The following SMARCA2 variants were observed in gnomAD, a reference collection of about 807,000 sequenced individuals.
The protein encoded by SMARCA2 is SWI/SNF-related matrix-associated actin-dependent regulator of chromatin subfamily A member 2.
In SMARCA2, 61 loss-of-function variants were observed where a neutral mutation model predicts 199.8. That is an observed-to-expected ratio of 0.31 (90% CI 0.25 to 0.38). SMARCA2 has a LOEUF of 0.38. Ranked by LOEUF, SMARCA2 falls within the 10% of genes least tolerant of loss-of-function variation. SMARCA2 has a pLI of 1.00. For missense variants in SMARCA2, 1,344 were observed against 2,012.2 expected (o/e 0.67, Z 6.35); for synonymous variants, 935 against 732.0 (o/e 1.28, Z -4.48).
chr9:2,022,503 A>G (rs543902939), intron 1 of SMARCA2, among the ~76,000 whole-genome samples: 46 of 152,290 alleles, frequency 3.0e-4, no homozygotes, highest in African/African-American at 1.0e-3. Flanking sequence ...TCATTGTTGA[A>G]TTGTTGTTGC....
At position 2,073,216 on chromosome 9, in the gene SMARCA2, T is replaced by C; in HGVS notation, c.1751T>C (p.Ile584Thr). The C allele has an allele frequency of 2.5e-6, 4 of 1,614,110 alleles. No individual in the cohort carries two copies. Among genetic ancestry groups the C allele is most frequent in the Non-Finnish European group, 3.4e-6 (4 of 1,180,022 alleles). Residue 584 changes from isoleucine (I) to threonine (T), a missense_variant, in exon 11 of 34, where the codon ATA (isoleucine) becomes ACA (threonine). This residue lies in a region of SMARCA2 where 68 missense variants were observed against 70.4 expected (regional missense o/e 0.97). Coordinates refer to ENST00000349721, the MANE Select transcript of SMARCA2 (RefSeq NM_003070.5). ...ESALGPDGEP[I>T]DESSQMSDLP... ...ATGATTTTCCCTCCTTTGTAGCCCA[T>C]AGATGAGAGCAGCCAGATGAGTGAC...
At chr9:2,182,103 C>G (rs1827075151) in intron 30 of SMARCA2, 38 bp from the exon 31 acceptor site, 1 of 1,293,436 alleles carries the variant, frequency 7.7e-7, no homozygotes, top group Admixed American at 1.7e-5. Flanking sequence ...TTTTCCTCTC[C>G]CTCTTTTTTT....
intron 8 of SMARCA2, 105 bp downstream of exon 8, chr9:2,058,569 A>T (rs1820454016): frequency 2.1e-6 from 2 of 973,276 alleles, no homozygotes; most frequent in Admixed American, 5.2e-5. Context: ...AAAACTGCTT[A>T]TCAAAAATTT....
chr9:2,058,546 G>A (rs963596221), intron 8 of SMARCA2, 82 bp downstream of exon 8: 70 of 1,206,366 alleles, frequency 5.8e-5, no homozygotes, highest in Non-Finnish European at 7.1e-5. Context: ...GGTGGTAGTA[G>A]AAGGAAAAAA....
At chr9:2,190,512 A>G (rs1827801298) in intron 32 of SMARCA2, among the ~76,000 whole-genome samples, 1 of 152,266 alleles carries the variant, frequency 6.6e-6, no homozygotes, top group Admixed American at 6.5e-5. Context: ...GAGAATATGG[A>G]CATGTATAAA....
chr9:2,098,302 T>C (rs1001309751), intron 21 of SMARCA2, among the ~76,000 whole-genome samples: 8 of 152,226 alleles, frequency 5.3e-5, no homozygotes, highest in Non-Finnish European at 8.8e-5. Flanking sequence ...AAAAAATACA[T>C]AGAAACTTCT....
chr9:2,129,146 C>G (rs1823825254), intron 27 of SMARCA2, among the ~76,000 whole-genome samples: 1 of 152,174 alleles, frequency 6.6e-6, no homozygotes, highest in Non-Finnish European at 1.5e-5. Flanking sequence ...AGGCCAGGCA[C>G]TGTGGCTCAT....
chr9:2,137,311 TC>T (rs1824241668), intron 27 of SMARCA2, among the ~76,000 whole-genome samples: 2 of 152,304 alleles, frequency 1.3e-5, no homozygotes, highest in African/African-American at 4.8e-5. Context: ...TGATGACCAC[TC>T]CTGCATCAGG....
At chr9:2,032,187 A>G (rs1819100290) in intron 2 of SMARCA2, among the ~76,000 whole-genome samples, 1 of 152,204 alleles carries the variant, frequency 6.6e-6, no homozygotes, top group Non-Finnish European at 1.5e-5. Flanking sequence ...TGTTTTGAAA[A>G]TTGCTATTAC....
In SMARCA2 at chr9:2,181,060, G is replaced by T. The variant is rs905915723; in HGVS notation, c.4254-511G>T. ...GACCAAGAAAATAGTCAGCCAGTAG[G>T]TACGTACGAAGGCTTTTCACTTGAG... On this transcript the variant is annotated intron_variant, in intron 29 of 33. Coordinates refer to ENST00000349721, the MANE Select transcript of SMARCA2 (RefSeq NM_003070.5). Among the ~76,000 whole-genome samples the T allele has an allele frequency of 2.0e-5, 3 of 152,240 alleles. No homozygotes were observed. In the Middle Eastern group the frequency reaches 0.01, roughly 518 times the overall value.
intron 30 of SMARCA2, 55 bp downstream of exon 30, chr9:2,181,731 A>C (rs1344642048): frequency 4.2e-6 from 4 of 956,588 alleles, no homozygotes; most frequent in Non-Finnish European, 1.7e-6. Context: ...AGCAGTGTAA[A>C]GTCATTGAAA....
intron 6 of SMARCA2, 68 bp downstream of exon 6, chr9:2,054,791 G>A (rs1820277764): frequency 2.0e-6 from 3 of 1,534,168 alleles, no homozygotes; most frequent in Admixed American, 1.7e-5. Flanking sequence ...AGTGTTATCT[G>A]TGTTGCCTTT....
chr9:2,110,403 T>A lies in SMARCA2; in HGVS notation c.3442T>A (p.Trp1148Arg). 6.2e-7 allele frequency: 1 copy of A among 1,610,002 alleles called. No individual in the cohort carries two copies. Reference sequence around the variant, plus strand: ...TACAGTGGTCATCTTTGACAGCGACTGGAATCCTCATCAGGTCTGCATGTC... The same window carrying A: ...TACAGTGGTCATCTTTGACAGCGACAGGAATCCTCATCAGGTCTGCATGTC... ...ADTVVIFDSD[W>R]NPHQDLQAQD... The change falls in exon 24 of 34, where the codon TGG becomes AGG. Residue 1148 changes from tryptophan to arginine, a missense_variant. By Grantham distance (101) the Trp-to-Arg change is moderately radical (BLOSUM62 -3). This residue lies in a region of SMARCA2 where 36 missense variants were observed against 172.5 expected (regional missense o/e 0.21). Transcript: ENST00000349721. This position sits in a 1 kb window ranked among gnomAD's most constrained non-coding sequence, Gnocchi z 4.8.
In SMARCA2 at chr9:2,119,021, A is replaced by G. The variant is rs1739788261; in HGVS notation, c.3685-437A>G. On this transcript the variant is annotated intron_variant, in intron 25 of 33. Transcript: ENST00000349721. This position sits in a 1 kb window ranked among gnomAD's most constrained non-coding sequence, Gnocchi z 4.6. Reference sequence around the variant, plus strand: ...TACTTATGTCTTTTGTAAGGATTTGAAAATAAGCATTTATATTTGGCATAA... The same window carrying G: ...TACTTATGTCTTTTGTAAGGATTTGGAAATAAGCATTTATATTTGGCATAA... Among the ~76,000 whole-genome samples the G allele has an allele frequency of 6.6e-6, 1 of 152,234 alleles. No homozygotes were observed. Among genetic ancestry groups the G allele is most frequent in the African/African-American group, 2.4e-5 (1 of 41,470 alleles).
intron 8 of SMARCA2, among the ~76,000 whole-genome samples, chr9:2,059,867 C>A (rs891236323): frequency 6.6e-6 from 1 of 152,102 alleles, no homozygotes; most frequent in African/African-American, 2.4e-5. Context: ...TTGCAGCTTG[C>A]TCCTTTTATC....
intron 9 of SMARCA2, chr9:2,068,959 C>T (rs549522756): frequency 4.6e-5 from 7 of 152,042 alleles, no homozygotes; most frequent in African/African-American, 1.7e-4. Context: ...CTCTGTCACC[C>T]AGGCTGGAGT....
At chr9:2,142,658 G>C (rs1243960106) in intron 27 of SMARCA2, among the ~76,000 whole-genome samples, 2 of 152,206 alleles carry the variant, frequency 1.3e-5, no homozygotes, top group Admixed American at 6.5e-5. Context: ...AAAATAAGAA[G>C]ATTGTGTAGT....
At chr9:2,095,346 A>G (rs1258620874) in intron 19 of SMARCA2, among the ~76,000 whole-genome samples, 2 of 152,114 alleles carry the variant, frequency 1.3e-5, no homozygotes, top group Non-Finnish European at 2.9e-5. Flanking sequence ...GGCCTCCCAA[A>G]GTGCTGGGAC....
intron 29 of SMARCA2, among the ~76,000 whole-genome samples, chr9:2,177,614 G>A (rs924164139): frequency 4.0e-5 from 6 of 151,690 alleles, no homozygotes; most frequent in African/African-American, 9.7e-5. Context: ...GTGCAGTGGC[G>A]CGATCTCAGC....
Sources: allele counts gnomAD v4.1 joint callset (sites outside exome capture counted in the v4.1 genomes callset), GRCh38; gene constraint gnomAD v4.1.1; regional missense constraint gnomAD v4.1.1; non-coding constraint Gnocchi (gnomAD v3.1); transcripts MANE v1.5; gene names NCBI Gene and HGNC (gene_info 2026-07-23, HGNC 2026-07-21).